The following TBCK variants were observed in gnomAD, a reference collection of about 807,000 sequenced individuals.
The protein encoded by TBCK is TBC1 domain containing kinase.
TBCK carries 99 observed loss-of-function variants against 113.4 expected under a neutral mutation model. The ratio of observed to expected loss-of-function variants is 0.87; its 90% CI spans 0.74 to 1.03. The LOEUF (loss-of-function observed/expected upper bound fraction) is 1.03. Among genes scored for constraint, TBCK ranks in the 50% least tolerant of loss-of-function variants. The probability of loss-of-function intolerance (pLI) is 0.00; values close to 1 mark genes in which losing one functional copy is unlikely to be tolerated. For missense variants in TBCK, 1,045 were observed against 1,061.3 expected (o/e 0.98, Z 0.21); for synonymous variants, 369 against 370.8 (o/e 1.00, Z 0.05).
chr4:106,126,241 A>G (rs1296159765), intron 23 of TBCK, among the ~76,000 whole-genome samples: 1 of 152,206 alleles, frequency 6.6e-6, no homozygotes, highest in South Asian at 2.1e-4. Context: ...CTATGTCTTC[A>G]CAGGTATCTG....
chr4:106,121,452 T>A (rs1469658825), intron 23 of TBCK, among the ~76,000 whole-genome samples: 13 of 146,652 alleles, frequency 8.9e-5, no homozygotes, highest in African/African-American at 2.8e-4. Context: ...ACTGTCAACA[T>A]TAGACAGATC....
intron 2 of TBCK, among the ~76,000 whole-genome samples, chr4:106,302,365 G>A (rs573379054): frequency 1.3e-5 from 2 of 152,168 alleles, no homozygotes; most frequent in Admixed American, 6.5e-5. Context: ...GTTCCCACCC[G>A]ACTTTGATAA....
intron 1 of TBCK, among the ~76,000 whole-genome samples, chr4:106,309,238 C>T (rs1376839549): frequency 4.0e-5 from 6 of 148,320 alleles, no homozygotes; most frequent in African/African-American, 1.5e-4. Context: ...TTCTCAATGA[C>T]ATTTGACAGT....
At chr4:106,170,786 T>A (rs28699620) in intron 23 of TBCK, among the ~76,000 whole-genome samples, 172 of 152,214 alleles carry the variant, frequency 1.1e-3, no homozygotes, top group African/African-American at 4.0e-3. Context: ...TCTATTTTTT[T>A]AATTCTTTCT....
chr4:106,129,878 G>T (rs1331907010), intron 23 of TBCK, among the ~76,000 whole-genome samples: 1 of 152,130 alleles, frequency 6.6e-6, no homozygotes, highest in East Asian at 1.9e-4. Flanking sequence ...GCTTTAAAAT[G>T]GGTACAGACA....
chr4:106,314,905 G>T (rs371781082), intron 1 of TBCK, among the ~76,000 whole-genome samples: 1 of 152,050 alleles, frequency 6.6e-6, no homozygotes, highest in Non-Finnish European at 1.5e-5. Context: ...GACTACAGGC[G>T]TGAGCCACCG....
At chr4:106,299,961 G>A (rs1766749154) in intron 2 of TBCK, among the ~76,000 whole-genome samples, 2 of 152,294 alleles carry the variant, frequency 1.3e-5, no homozygotes, top group South Asian at 4.1e-4. Context: ...GCTTGGCTGT[G>A]TTCCCACCCA....
chr4:106,216,544 G>A (rs796285999), intron 19 of TBCK, among the ~76,000 whole-genome samples: 7 of 151,624 alleles, frequency 4.6e-5, no homozygotes, highest in African/African-American at 1.2e-4. Flanking sequence ...TATCACCACC[G>A]ATCCCACAGA....
intron 2 of TBCK, among the ~76,000 whole-genome samples, chr4:106,304,355 T>C (rs1767276662): frequency 6.6e-6 from 1 of 152,118 alleles, no homozygotes; most frequent in African/African-American, 2.4e-5. Flanking sequence ...ACAACAGACA[T>C]AAGATCAGAT....
At chr4:106,176,677 T>C (rs1479882755) in intron 22 of TBCK, among the ~76,000 whole-genome samples, 2 of 152,038 alleles carry the variant, frequency 1.3e-5, no homozygotes, top group Non-Finnish European at 2.9e-5. Flanking sequence ...CCTGATTTCC[T>C]TTCTTTTGGA....
intron 23 of TBCK, among the ~76,000 whole-genome samples, chr4:106,125,969 G>A (rs1012032463): frequency 7.2e-5 from 11 of 152,128 alleles, no homozygotes; most frequent in African/African-American, 1.9e-4. Context: ...TTAGAATGGC[G>A]TCTGGCAAGA....
intron 20 of TBCK, among the ~76,000 whole-genome samples, chr4:106,204,278 G>C (rs995368878): frequency 1.3e-5 from 2 of 152,152 alleles, no homozygotes; most frequent in Non-Finnish European, 2.9e-5. Flanking sequence ...TTAGTATATG[G>C]AATAGCCAGA....
In TBCK at chr4:106,046,654, T is replaced by A; in HGVS notation, c.2598A>T (p.Lys866Asn). The change falls in exon 26 of 26, where the codon AAA becomes AAT. Residue 866 changes from lysine (K) to asparagine (N), a missense_variant. Physicochemically the swap from Lys to Asn is moderately conservative, Grantham distance 94 (BLOSUM62 0). Coordinates refer to ENST00000394708, the MANE Select transcript of TBCK (RefSeq NM_001163435.3). ...CATCTAGAATACAGATTCTTGGATATTTCATCTTCACAAGGTGAGCTGCAA... is the reference window on the plus strand; with the variant it reads ...CATCTAGAATACAGATTCTTGGATAATTCATCTTCACAAGGTGAGCTGCAA... ...AEFAAHLVKM[K>N]YPRICILDGG... 6.2e-7 allele frequency: 1 copy of A among 1,612,266 alleles called. No homozygotes were observed. Among genetic ancestry groups the A allele is most frequent in the South Asian group, 1.1e-5 (1 of 90,916 alleles).
intron 22 of TBCK, among the ~76,000 whole-genome samples, chr4:106,183,411 C>T (rs1442750359): frequency 1.3e-5 from 2 of 152,032 alleles, no homozygotes; most frequent in Admixed American, 6.6e-5. Context: ...TTCTCTCTCT[C>T]AACCTATCCT....
At chr4:106,122,084 G>T (rs1396050993) in intron 23 of TBCK, among the ~76,000 whole-genome samples, 1 of 152,120 alleles carries the variant, frequency 6.6e-6, no homozygotes, top group African/African-American at 2.4e-5. Flanking sequence ...CTGAATCCAG[G>T]AGCTGGTTTT....
intron 23 of TBCK, among the ~76,000 whole-genome samples, chr4:106,162,590 G>A (rs138349532): frequency 8.5e-5 from 13 of 152,214 alleles, no homozygotes; most frequent in African/African-American, 2.6e-4. Context: ...TACATCCTCC[G>A]AAATCTAGGT....
chr4:106,151,386 A>G (rs1748469415), intron 23 of TBCK, among the ~76,000 whole-genome samples: 1 of 151,966 alleles, frequency 6.6e-6, no homozygotes, highest in Non-Finnish European at 1.5e-5. Context: ...CTCTGGTAAC[A>G]ATCCTTGTAC....
Position 106,046,605 on chromosome 4 carries a change from T to C in TBCK, c.2647A>G (p.Thr883Ala), listed in dbSNP as rs763326477. ...GGAGATGGGATGGTGAGGAGGCCTG[T>C]TGGCTTTATTTTATTAATGCCACCA... is the stretch of plus-strand genomic sequence containing the variant. ...LDGGINKIKP[T>A]GLLTIPSPQI Residue 883 changes from threonine to alanine, a missense_variant, in exon 26 of 26, where the codon ACA becomes GCA. Thr to Ala is a moderately conservative substitution (Grantham distance 58, BLOSUM62 0). Coordinates refer to ENST00000394708, the MANE Select transcript of TBCK (RefSeq NM_001163435.3). The C allele has an allele frequency of 1.9e-6, 3 of 1,611,470 alleles. No homozygotes were observed. The highest frequency in any genetic ancestry group is 2.2e-5 in the East Asian group (1 of 44,852).
chr4:106,169,116 C>T (rs1750715466), intron 23 of TBCK, among the ~76,000 whole-genome samples: 1 of 152,014 alleles, frequency 6.6e-6, no homozygotes, highest in Non-Finnish European at 1.5e-5. Flanking sequence ...AGACAATCAA[C>T]CTGTATTGTC....
Sources: allele counts gnomAD v4.1 joint callset (sites outside exome capture counted in the v4.1 genomes callset), GRCh38; gene constraint gnomAD v4.1.1; transcripts MANE v1.5; gene names NCBI Gene and HGNC (gene_info 2026-07-23, HGNC 2026-07-21).